PRKCE: variants seen among roughly 807,000 people sequenced by gnomAD.
PRKCE encodes protein kinase C epsilon.
PRKCE carries 16 observed loss-of-function variants against 85.4 expected under a neutral mutation model. That is an observed-to-expected ratio of 0.19 (90% CI 0.13 to 0.28). The LOEUF (loss-of-function observed/expected upper bound fraction) is 0.28, where lower values mean the gene tolerates loss of function less well. Among genes scored for constraint, PRKCE ranks in the 10% least tolerant of loss-of-function variants. The pLI, the probability that PRKCE is intolerant of heterozygous loss-of-function variation, is 1.00. For missense variants in PRKCE, 573 were observed against 975.2 expected (o/e 0.59, Z 5.49); for synonymous variants, 388 against 371.5 (o/e 1.04, Z -0.51).
At chr2:45,743,296 T>TGTG (rs1682735303) in intron 1 of PRKCE, among the ~76,000 whole-genome samples, 1 of 152,224 alleles carries the variant, frequency 6.6e-6, no homozygotes, top group Non-Finnish European at 1.5e-5. Flanking sequence ...GTGAGGTGAA[T>TGTG]ATGATAATTA....
intron 2 of PRKCE, among the ~76,000 whole-genome samples, chr2:45,897,646 C>T (rs1031410026): frequency 8.5e-5 from 13 of 152,142 alleles, no homozygotes; most frequent in Non-Finnish European, 1.5e-4. Context: ...GGCTACATTT[C>T]AGTGGCTTTC....
intron 1 of PRKCE, among the ~76,000 whole-genome samples, chr2:45,756,043 T>C (rs1250296115): frequency 1.3e-5 from 2 of 152,210 alleles, no homozygotes; most frequent in African/African-American, 2.4e-5. Flanking sequence ...CACTGGCTTC[T>C]GGGCGTTTAC....
At chr2:45,897,464 G>C (rs1447905666) in intron 2 of PRKCE, among the ~76,000 whole-genome samples, 1 of 152,092 alleles carries the variant, frequency 6.6e-6, no homozygotes, top group Admixed American at 6.5e-5. Flanking sequence ...TTTATTTTTT[G>C]TTTTTATTTT....
chr2:46,178,136 T>C (rs368917768), intron 14 of PRKCE, among the ~76,000 whole-genome samples: 37 of 152,338 alleles, frequency 2.4e-4, no homozygotes, highest in East Asian at 1.7e-3. Flanking sequence ...GGCACATGCC[T>C]GTAATCCCAG....
intron 10 of PRKCE, among the ~76,000 whole-genome samples, chr2:46,013,496 A>T (rs550204216): frequency 1.3e-5 from 2 of 152,298 alleles, no homozygotes; most frequent in South Asian, 4.1e-4. Context: ...AGGCTTTGAA[A>T]GGTAGAGAGG....
intron 1 of PRKCE, among the ~76,000 whole-genome samples, chr2:45,754,669 G>A (rs1024445872): frequency 4.6e-5 from 7 of 152,200 alleles, no homozygotes; most frequent in Non-Finnish European, 4.4e-5. Flanking sequence ...CATCCCTCAT[G>A]TAGGTGTTTT....
At chr2:45,738,994 C>A (rs978652456) in intron 1 of PRKCE, among the ~76,000 whole-genome samples, 1 of 152,318 alleles carries the variant, frequency 6.6e-6, no homozygotes, top group Admixed American at 6.5e-5. Context: ...TAGATGGAAG[C>A]AAAGTGGGAT....
intron 11 of PRKCE, among the ~76,000 whole-genome samples, chr2:46,087,381 A>G (rs73926180): frequency 0.014 from 2,177 of 152,188 alleles, 56 homozygotes; most frequent in African/African-American, 0.05. Flanking sequence ...AGGTTGAACA[A>G]TCCTCCTCTG....
chr2:45,713,853 A>G (rs1470844836), intron 1 of PRKCE, among the ~76,000 whole-genome samples: 1 of 152,220 alleles, frequency 6.6e-6, no homozygotes, highest in Non-Finnish European at 1.5e-5. Flanking sequence ...TAACAGAGAG[A>G]TACCCATAAC....
intron 1 of PRKCE, among the ~76,000 whole-genome samples, chr2:45,784,443 C>G (rs777834173): frequency 9.9e-5 from 15 of 152,178 alleles, no homozygotes; most frequent in Admixed American, 2.0e-4. Flanking sequence ...TTGGGATTTG[C>G]CGGAGAAACT....
At chr2:45,778,786 C>G (rs1471891218) in intron 1 of PRKCE, among the ~76,000 whole-genome samples, 2 of 152,224 alleles carry the variant, frequency 1.3e-5, no homozygotes, top group Admixed American at 6.5e-5. Flanking sequence ...ATACTGCCAC[C>G]TAGTGGGAGC....
intron 13 of PRKCE, among the ~76,000 whole-genome samples, chr2:46,153,890 G>C (rs1377252386): frequency 6.7e-6 from 1 of 148,468 alleles, no homozygotes; most frequent in Admixed American, 6.8e-5. Context: ...GGGTTCAAGA[G>C]ATTCTCCTGC....
At chr2:46,178,592 A>G (rs1330680356) in intron 14 of PRKCE, among the ~76,000 whole-genome samples, 1 of 152,248 alleles carries the variant, frequency 6.6e-6, no homozygotes, top group Non-Finnish European at 1.5e-5. Flanking sequence ...GCTATGAAGA[A>G]TATATGTATC....
In PRKCE at chr2:46,004,977, C is replaced by T. The variant is rs1430989453; in HGVS notation, c.1063+339C>T. 1.3e-5 allele frequency among the ~76,000 whole-genome samples: 2 copies of T among 152,182 alleles called. No homozygotes were observed. Among genetic ancestry groups the T allele is most frequent in the African/African-American group, 4.8e-5 (2 of 41,452 alleles). On this transcript the variant is annotated intron_variant, in intron 8 of 14. Transcript: ENST00000306156. The surrounding 1 kb of genome is among the most constrained non-coding windows in gnomAD (Gnocchi z 4.1). Reference sequence around the variant, plus strand: ...AAGGGTACAGCTCCCTCTCTTAAAGCTCTTGCCTGGCCCTAGACCTGTCAA... The same window carrying T: ...AAGGGTACAGCTCCCTCTCTTAAAGTTCTTGCCTGGCCCTAGACCTGTCAA...
intron 3 of PRKCE, among the ~76,000 whole-genome samples, chr2:45,977,201 G>A (rs1053501307): frequency 6.6e-6 from 1 of 152,098 alleles, no homozygotes; most frequent in Non-Finnish European, 1.5e-5. Context: ...CCAGCTGATT[G>A]TGTGTTTTTA....
chr2:46,116,574 A>G (rs1672788984), intron 11 of PRKCE, among the ~76,000 whole-genome samples: 1 of 152,168 alleles, frequency 6.6e-6, no homozygotes, highest in African/African-American at 2.4e-5. Context: ...GTCCGCCCTT[A>G]ACTGAAATCA....
chr2:45,984,998 G>C (rs923240626), intron 6 of PRKCE, among the ~76,000 whole-genome samples: 2 of 152,176 alleles, frequency 1.3e-5, no homozygotes, highest in African/African-American at 4.8e-5. Context: ...TAGAGCAGAA[G>C]AAAAGTAATA....
At chr2:46,170,166 T>A (rs1383541591) in intron 14 of PRKCE, among the ~76,000 whole-genome samples, 1 of 152,190 alleles carries the variant, frequency 6.6e-6, no homozygotes, top group Non-Finnish European at 1.5e-5. Context: ...GCACAATAAG[T>A]ATATAGAACA....
intron 1 of PRKCE, among the ~76,000 whole-genome samples, chr2:45,775,860 G>A (rs1006666385): frequency 6.6e-6 from 1 of 152,124 alleles, no homozygotes; most frequent in African/African-American, 2.4e-5. Flanking sequence ...CGGCCTCATT[G>A]TGCATTTTTC....
Sources: gnomAD v4.1 joint callset for allele counts (sites outside exome capture counted in the v4.1 genomes callset) on GRCh38, gnomAD v4.1.1 for gene constraint, Gnocchi (gnomAD v3.1) non-coding constraint, MANE v1.5 for transcripts, NCBI Gene and HGNC (gene_info 2026-07-23, HGNC 2026-07-21) for gene names.